The following ADGRB3 variants were observed in gnomAD, a reference collection of about 807,000 sequenced individuals.
ADGRB3 encodes the protein adhesion G protein-coupled receptor B3.
In ADGRB3, 37 loss-of-function variants were observed where a neutral mutation model predicts 193.4. The ratio of observed to expected loss-of-function variants is 0.19; its 90% CI spans 0.15 to 0.25. The LOEUF is 0.25. Among genes scored for constraint, ADGRB3 ranks in the 10% least tolerant of loss-of-function variants. The pLI is 1.00. For missense variants in ADGRB3, 1,637 were observed against 1,852.9 expected, an observed-to-expected ratio of 0.88 and a Z score of 2.14; for synonymous variants, 690 against 644.2, an observed-to-expected ratio of 1.07 and a Z score of -1.08.
chr6:68,748,177 G>A (rs999249750), intron 3 of ADGRB3, among the ~76,000 whole-genome samples: 4 of 151,942 alleles, frequency 2.6e-5, no homozygotes, highest in African/African-American at 9.7e-5. Flanking sequence ...TCCACCCCTA[G>A]CCCCTCTAAA....
rs1765973087 is a variant in ADGRB3 at position 68,741,166 on chromosome 6, A to G, written c.757+101734A>G. On this transcript the variant is annotated intron_variant, in intron 3 of 31. Coordinates refer to ENST00000370598, the MANE Select transcript of ADGRB3 (RefSeq NM_001704.3). ...ATCTAGTGTCTGCATAGGGCTTCCTATGTGCTAGGCACTATTACAAGTGTT... is the reference window on the plus strand; with the variant it reads ...ATCTAGTGTCTGCATAGGGCTTCCTGTGTGCTAGGCACTATTACAAGTGTT... Among the ~76,000 whole-genome samples the G allele has an allele frequency of 2.0e-5, 3 of 152,292 alleles. 1 individual carries two copies. The South Asian group carries it at 6.2e-4, about 32-fold the overall frequency.
chr6:69,365,949 T>G (rs1211440844), intron 29 of ADGRB3, among the ~76,000 whole-genome samples: 1 of 152,108 alleles, frequency 6.6e-6, no homozygotes, highest in Non-Finnish European at 1.5e-5. Context: ...TATTATTATG[T>G]CATTACTGTA....
At chr6:68,677,845 G>A (rs1769136562) in intron 3 of ADGRB3, among the ~76,000 whole-genome samples, 1 of 152,040 alleles carries the variant, frequency 6.6e-6, no homozygotes, top group Admixed American at 6.5e-5. Context: ...GACCTCAAGT[G>A]ATCTACCGGC....
intron 17 of ADGRB3, among the ~76,000 whole-genome samples, chr6:69,117,142 T>A (rs1455936979): frequency 6.6e-6 from 1 of 152,252 alleles, no homozygotes; most frequent in Non-Finnish European, 1.5e-5. Flanking sequence ...ATTTTTACAA[T>A]CTTAAATTTA....
chr6:68,799,037 G>C (rs1196774330), intron 3 of ADGRB3, among the ~76,000 whole-genome samples: 6 of 152,112 alleles, frequency 3.9e-5, no homozygotes, highest in African/African-American at 1.4e-4. Context: ...AAGGAGGAGA[G>C]ATATTTGAAC....
intron 3 of ADGRB3, among the ~76,000 whole-genome samples, chr6:68,733,501 G>A (rs951773967): frequency 1.3e-5 from 2 of 151,742 alleles, no homozygotes; most frequent in Admixed American, 6.6e-5. Flanking sequence ...GAAGAAGGGA[G>A]GAAAGCATTG....
intron 17 of ADGRB3, among the ~76,000 whole-genome samples, chr6:69,193,392 A>G (rs1765234310): frequency 6.6e-6 from 1 of 152,300 alleles, no homozygotes; most frequent in South Asian, 2.1e-4. Context: ...TGTCTTGATG[A>G]CAAATAATTT....
At chr6:68,872,696 A>G (rs1237955280) in intron 3 of ADGRB3, among the ~76,000 whole-genome samples, 1 of 152,122 alleles carries the variant, frequency 6.6e-6, no homozygotes, top group Non-Finnish European at 1.5e-5. Context: ...CTGAAATAAC[A>G]CATCCACAAA....
intron 26 of ADGRB3, among the ~76,000 whole-genome samples, chr6:69,348,366 G>A (rs1456085484): frequency 1.3e-5 from 2 of 152,068 alleles, no homozygotes; most frequent in East Asian, 3.9e-4. Context: ...AGAAGAGTAG[G>A]CTGGGCACAG....
At chr6:68,666,128 T>A (rs1385774523) in intron 3 of ADGRB3, among the ~76,000 whole-genome samples, 3 of 151,880 alleles carry the variant, frequency 2.0e-5, no homozygotes, top group Non-Finnish European at 4.4e-5. Context: ...AGACAAGATC[T>A]CGAATCACAA....
chr6:68,869,978 C>T (rs1312450935), intron 3 of ADGRB3, among the ~76,000 whole-genome samples: 1 of 152,170 alleles, frequency 6.6e-6, no homozygotes, highest in African/African-American at 2.4e-5. Flanking sequence ...GGGATTTCAC[C>T]ATGTTGGCTA....
Position 68,983,930 on chromosome 6 carries a change from G to A in ADGRB3, c.1734+8590G>A, listed in dbSNP as rs977476418. ...TGAGATGAATGCATGAGATAAACAT[G>A]TAAACGGTAGAGAGAATGACTATGT... On this transcript the variant is annotated intron_variant, in intron 10 of 31. Transcript: ENST00000370598. 3.4e-4 allele frequency among the ~76,000 whole-genome samples: 52 copies of A among 152,160 alleles called. 1 individual carries two copies. Among genetic ancestry groups the A allele is most frequent in the Admixed American group, 3.9e-4 (6 of 15,256 alleles).
In ADGRB3 at chr6:69,202,159, C is replaced by CTA. The variant is rs531997462; in HGVS notation, c.2481-31129_2481-31128dup. Among the ~76,000 whole-genome samples the CTA allele has an allele frequency of 4.9e-3, 743 of 152,142 alleles. 9 individuals are homozygous for CTA. The highest frequency in any genetic ancestry group is 4.4e-3 in the Non-Finnish European group (299 of 68,000). On this transcript the variant is annotated intron_variant, in intron 17 of 31. Transcript: ENST00000370598. The stretch of plus-strand genomic sequence containing the variant: ...GCTCATTCACAAATGTTTAATGAGG[C>CTA]TATGTTTTGGTCACAAATACCCTAA...
At chr6:69,204,865 G>T (rs1020666332) in intron 17 of ADGRB3, among the ~76,000 whole-genome samples, 1 of 151,928 alleles carries the variant, frequency 6.6e-6, no homozygotes, top group Non-Finnish European at 1.5e-5. Flanking sequence ...AATATGAGTG[G>T]ACAATGTTAA....
chr6:68,972,813 C>T lies in ADGRB3; in HGVS notation c.1526-1950C>T, dbSNP rs181457977. On this transcript the variant is annotated intron_variant, in intron 8 of 31. Transcript: ENST00000370598. ...CAAAGAATGAGACAAAGAAAGAATG[C>T]TCTGAGGGGTTGGTGGAGGAGTGTT... 2.8e-3 allele frequency among the ~76,000 whole-genome samples: 432 copies of T among 152,194 alleles called. 3 individuals carry two copies. Among genetic ancestry groups the T allele is most frequent in the Non-Finnish European group, 4.1e-3 (276 of 68,012 alleles).
chr6:69,245,672 G>C (rs1766483845), intron 20 of ADGRB3, among the ~76,000 whole-genome samples: 1 of 151,880 alleles, frequency 6.6e-6, no homozygotes. Context: ...CTGACTTCCT[G>C]TCTTTATTTG....
intron 26 of ADGRB3, among the ~76,000 whole-genome samples, chr6:69,342,865 T>A (rs1298094574): frequency 6.6e-6 from 1 of 152,054 alleles, no homozygotes; most frequent in South Asian, 2.1e-4. Context: ...TTTCTTAAAA[T>A]ATATAAGCAA....
chr6:69,288,856 A>G (rs538903649), intron 20 of ADGRB3, among the ~76,000 whole-genome samples: 1 of 152,190 alleles, frequency 6.6e-6, no homozygotes, highest in South Asian at 2.1e-4. Flanking sequence ...GTTTTCTTAT[A>G]TGTCAAGGTG....
At chr6:69,153,226 GA>G (rs1203948599) in intron 17 of ADGRB3, among the ~76,000 whole-genome samples, 2 of 152,006 alleles carry the variant, frequency 1.3e-5, no homozygotes, top group Admixed American at 1.3e-4. Context: ...ACCCATGGCA[GA>G]AAAAAAGAGA....
Sources: gnomAD v4.1 joint callset for allele counts (sites outside exome capture counted in the v4.1 genomes callset) on GRCh38, gnomAD v4.1.1 for gene constraint, MANE v1.5 for transcripts, NCBI Gene and HGNC (gene_info 2026-07-23, HGNC 2026-07-21) for gene names.